DTNA: variants seen among roughly 807,000 people sequenced by gnomAD.
The protein encoded by DTNA is dystrophin-related protein 3.
A neutral mutation model predicts 100.7 loss-of-function variants in DTNA; 43 were observed. The ratio of observed to expected loss-of-function variants is 0.43; its 90% confidence interval spans 0.33 to 0.55. The LOEUF (loss-of-function observed/expected upper bound fraction) is 0.55, where lower values mean the gene tolerates loss of function less well. DTNA is among the 20% of genes least tolerant of loss of function. The pLI is 0.04. For missense variants in DTNA, 798 were observed against 953.9 expected (o/e 0.84, Z 2.15); for synonymous variants, 349 against 347.9 (o/e 1.00, Z -0.04).
chr18:34,828,919 A>T (rs965006408), intron 10 of DTNA: 2 of 1,099,366 alleles, frequency 1.8e-6, no homozygotes, highest in South Asian at 2.5e-5. Flanking sequence ...CTGTGCATCT[A>T]TCTAGGGAAG....
chr18:34,498,442 T>TACAATA (rs564930126), intron 1 of DTNA, among the ~76,000 whole-genome samples: 2 of 141,850 alleles, frequency 1.4e-5, no homozygotes, highest in African/African-American at 5.1e-5. Context: ...CAGAAAATAA[T>TACAATA]ATAATAATAA....
intron 1 of DTNA, among the ~76,000 whole-genome samples, chr18:34,535,852 T>C (rs2043652261): frequency 1.3e-5 from 2 of 152,054 alleles, no homozygotes; most frequent in African/African-American, 4.8e-5. Flanking sequence ...CAGAATTCAG[T>C]ATTTTAATTT....
intron 13 of DTNA, among the ~76,000 whole-genome samples, chr18:34,839,513 A>G (rs181186264): frequency 1.0e-3 from 155 of 152,306 alleles, no homozygotes; most frequent in Middle Eastern, 3.4e-3. Flanking sequence ...GACTCCTTCC[A>G]TTGGTTAAAG....
At position 34,829,048 on chromosome 18, in the gene DTNA, G is replaced by A. The variant is rs373014873; in HGVS notation, c.1086-352G>A. The A allele has an allele frequency of 4.0e-5, 64 of 1,613,942 alleles. 1 individual carries two copies. Among genetic ancestry groups the A allele is most frequent in the Middle Eastern group, 1.6e-4 (1 of 6,084 alleles). On this transcript the variant is annotated intron_variant, in intron 10 of 22. Coordinates refer to ENST00000444659, the MANE Select transcript of DTNA (RefSeq NM_001386795.1). ...CATTTTATATCATTTCAGCTCGGAC[G>A]GTGCTTTTGGTGGATGCGTCTAGAT...
At chr18:34,820,408 A>G (rs1248356271) in intron 8 of DTNA, among the ~76,000 whole-genome samples, 2 of 152,280 alleles carry the variant, frequency 1.3e-5, no homozygotes, top group South Asian at 2.1e-4. Flanking sequence ...TTAACAAGCC[A>G]TATAAAGATT....
intron 3 of DTNA, among the ~76,000 whole-genome samples, chr18:34,775,968 A>G (rs2094025599): frequency 6.6e-6 from 1 of 152,242 alleles, no homozygotes. Flanking sequence ...ACAGTAAAGC[A>G]TGGACCTGCA....
intron 4 of DTNA, among the ~76,000 whole-genome samples, chr18:34,799,609 AC>A (rs544887128): frequency 2.1e-3 from 317 of 152,320 alleles, no homozygotes; most frequent in African/African-American, 7.5e-3. Flanking sequence ...TTTTCTTTGC[AC>A]GTCTTAAATT....
chr18:34,529,003 T>A (rs1273359552), intron 1 of DTNA, among the ~76,000 whole-genome samples: 2 of 152,134 alleles, frequency 1.3e-5, no homozygotes, highest in Non-Finnish European at 2.9e-5. Context: ...CATTGATATG[T>A]AGGTGGCTGT....
At chr18:34,674,874 T>TG (rs2077207278) in intron 1 of DTNA, among the ~76,000 whole-genome samples, 2 of 152,144 alleles carry the variant, frequency 1.3e-5, no homozygotes. Context: ...TAACAGGTGC[T>TG]GCAATGAAAG....
At chr18:34,879,961 C>T (rs2096856332) in intron 20 of DTNA, among the ~76,000 whole-genome samples, 1 of 152,074 alleles carries the variant, frequency 6.6e-6, no homozygotes, top group African/African-American at 2.4e-5. Context: ...CAAGAGCCTG[C>T]CTTGCCCAAG....
At chr18:34,869,114 T>G (rs950348818) in intron 17 of DTNA, among the ~76,000 whole-genome samples, 8 of 152,222 alleles carry the variant, frequency 5.3e-5, no homozygotes, top group Non-Finnish European at 1.0e-4. Context: ...AAGCTTAACT[T>G]TCATGTTCAT....
At chr18:34,836,927 A>T (rs2096163194) in intron 11 of DTNA, among the ~76,000 whole-genome samples, 1 of 152,102 alleles carries the variant, frequency 6.6e-6, no homozygotes, top group African/African-American at 2.4e-5. Context: ...GTTATGTATA[A>T]ATTTATATTT....
chr18:34,589,970 A>G (rs1011609344), intron 1 of DTNA, among the ~76,000 whole-genome samples: 12 of 152,154 alleles, frequency 7.9e-5, no homozygotes, highest in Non-Finnish European at 1.6e-4. Flanking sequence ...AAGATTCTGC[A>G]TATGTATATC....
At chr18:34,715,931 T>A (rs2083956984) in intron 1 of DTNA, among the ~76,000 whole-genome samples, 1 of 152,154 alleles carries the variant, frequency 6.6e-6, no homozygotes, top group South Asian at 2.1e-4. Context: ...AATTAGCAAC[T>A]ATTTTTTAAA....
chr18:34,522,114 G>T (rs963783876), intron 1 of DTNA, among the ~76,000 whole-genome samples: 2 of 152,142 alleles, frequency 1.3e-5, no homozygotes, highest in Admixed American at 6.5e-5. Context: ...GACATGTCTT[G>T]ATCTCTGTCA....
intron 1 of DTNA, among the ~76,000 whole-genome samples, chr18:34,694,925 A>G (rs2080296922): frequency 6.6e-6 from 1 of 152,204 alleles, no homozygotes; most frequent in Non-Finnish European, 1.5e-5. Context: ...ATACTGAAGC[A>G]GATTTAGCCT....
chr18:34,589,746 G>A (rs2049506686), intron 1 of DTNA, among the ~76,000 whole-genome samples: 1 of 151,972 alleles, frequency 6.6e-6, no homozygotes, highest in African/African-American at 2.4e-5. Context: ...CTCTCTTTTT[G>A]TACCTTTTGA....
chr18:34,791,994 A>C (rs183624200), intron 3 of DTNA, among the ~76,000 whole-genome samples: 10 of 152,214 alleles, frequency 6.6e-5, no homozygotes, highest in African/African-American at 2.4e-4. Context: ...GAGCACAGGT[A>C]TCTTCCCTTC....
intron 1 of DTNA, among the ~76,000 whole-genome samples, chr18:34,589,385 G>C (rs1457767662): frequency 6.6e-6 from 1 of 152,068 alleles, no homozygotes; most frequent in Non-Finnish European, 1.5e-5. Context: ...GAGGCGGGTG[G>C]ATCATGAGGT....
Sources: gnomAD v4.1 joint callset for allele counts (sites outside exome capture counted in the v4.1 genomes callset) on GRCh38, gnomAD v4.1.1 for gene constraint, MANE v1.5 for transcripts, NCBI Gene and HGNC (gene_info 2026-07-23, HGNC 2026-07-21) for gene names.